MAF: variants seen among roughly 807,000 people sequenced by gnomAD.
MAF encodes transcription factor Maf.
A neutral mutation model predicts 22.0 loss-of-function variants in MAF; 10 were observed. That is an observed-to-expected ratio of 0.45 (90% confidence interval 0.28 to 0.77). The LOEUF (loss-of-function observed/expected upper bound fraction) is 0.77. Ranked by LOEUF, MAF falls within the 30% of genes least tolerant of loss-of-function variation. MAF has a pLI of 0.12. For missense variants in MAF, 544 were observed against 548.4 expected, an observed-to-expected ratio of 0.99 and a Z score of 0.08; for synonymous variants, 337 against 255.8, an observed-to-expected ratio of 1.32 and a Z score of -3.03.
Position 79,594,261 on chromosome 16 carries a change from G to C in MAF, c.*199C>G. 1.2e-5 allele frequency: 7 copies of C among 581,852 alleles called. No homozygotes were observed. Among genetic ancestry groups the C allele is most frequent in the Non-Finnish European group, 2.1e-5 (7 of 328,270 alleles). 36.0% of individuals were successfully genotyped at this position (581,852 alleles called of 1,614,324 possible). A position where few individuals can be genotyped will look rare whatever the true frequency, so the allele number is the denominator to read the frequency against. On this transcript the variant is annotated 3_prime_UTR_variant, in exon 2 of 2. Transcript: ENST00000326043. The stretch of plus-strand genomic sequence containing the variant: ...ACACACCATAAATCGAAAAGCAGGA[G>C]TGCGCTTTCCTACCGGTCTCTATGA...
At chr16:79,310,071 A>C in the MAF span, among the ~76,000 whole-genome samples, 1 of 152,230 alleles carries the variant, frequency 6.6e-6, no homozygotes, top group African/African-American at 2.4e-5. Flanking sequence ...ATGAACTCCC[A>C]GCACTGAGAA....
the MAF span, among the ~76,000 whole-genome samples, chr16:79,232,510 C>T: frequency 1.3e-5 from 2 of 152,106 alleles, no homozygotes; most frequent in East Asian, 3.9e-4. Context: ...AATATCCCAG[C>T]CTAGATCATG....
chr16:79,351,222 T>A, the MAF span, among the ~76,000 whole-genome samples: 6 of 152,234 alleles, frequency 3.9e-5, no homozygotes, highest in African/African-American at 7.2e-5. Flanking sequence ...ACTGCAAAGC[T>A]AAACAGTGGG....
the MAF span, among the ~76,000 whole-genome samples, chr16:79,409,656 T>C: frequency 2.0e-5 from 3 of 152,156 alleles, no homozygotes; most frequent in African/African-American, 7.2e-5. Flanking sequence ...GCTCCTGGCA[T>C]GGTATAAACA....
the MAF span, among the ~76,000 whole-genome samples, chr16:79,302,921 T>C: frequency 6.6e-5 from 10 of 152,222 alleles, no homozygotes; most frequent in African/African-American, 2.4e-4. Context: ...AGTGGTACCA[T>C]TCGGCACTGT....
At chr16:79,302,065 C>T in the MAF span, among the ~76,000 whole-genome samples, 1 of 152,192 alleles carries the variant, frequency 6.6e-6, no homozygotes, top group Non-Finnish European at 1.5e-5. Context: ...GAGGGCCTGA[C>T]TCTCACCTGC....
the MAF span, among the ~76,000 whole-genome samples, chr16:79,503,195 T>C: frequency 6.6e-6 from 1 of 152,306 alleles, no homozygotes; most frequent in Admixed American, 6.5e-5. Context: ...AAGTTTGTCC[T>C]TTGTTTCTCT....
chr16:79,513,529 G>A, the MAF span, among the ~76,000 whole-genome samples: 1 of 152,194 alleles, frequency 6.6e-6, no homozygotes, highest in African/African-American at 2.4e-5. Context: ...AAATACATGG[G>A]AGGGAATCTA....
the MAF span, among the ~76,000 whole-genome samples, chr16:79,254,369 G>A: frequency 3.9e-5 from 6 of 151,950 alleles, no homozygotes; most frequent in Admixed American, 2.6e-4. Context: ...ATCTCTCTAT[G>A]ACTTCATATT....
the MAF span, among the ~76,000 whole-genome samples, chr16:79,554,813 T>A: frequency 6.6e-6 from 1 of 152,194 alleles, no homozygotes; most frequent in East Asian, 1.9e-4. Flanking sequence ...CAGTTTCTCA[T>A]GGCCTCTCTG....
chr16:79,302,033 G>A, the MAF span, among the ~76,000 whole-genome samples: 1 of 152,214 alleles, frequency 6.6e-6, no homozygotes, highest in Admixed American at 6.5e-5. Context: ...CATGACCTAG[G>A]TCATCCAGAT....
chr16:79,544,664 C>G, the MAF span, among the ~76,000 whole-genome samples: 1 of 150,932 alleles, frequency 6.6e-6, no homozygotes, highest in Admixed American at 6.6e-5. Context: ...GTCCCAGCTA[C>G]TCGGGAGGCT....
the MAF span, among the ~76,000 whole-genome samples, chr16:79,458,470 G>A: frequency 6.6e-6 from 1 of 152,060 alleles, no homozygotes; most frequent in African/African-American, 2.4e-5. Context: ...TAACAGCATA[G>A]GAAAATATTT....
chr16:79,449,461 A>T, the MAF span, among the ~76,000 whole-genome samples: 1 of 152,170 alleles, frequency 6.6e-6, no homozygotes, highest in Admixed American at 6.5e-5. Flanking sequence ...TGTGCTTGTT[A>T]TTTAGTTTTC....
chr16:79,492,866 T>C, the MAF span, among the ~76,000 whole-genome samples: 1 of 152,208 alleles, frequency 6.6e-6, no homozygotes, highest in Non-Finnish European at 1.5e-5. Context: ...GAGATCATAC[T>C]AGGAGGTTAG....
the MAF span, among the ~76,000 whole-genome samples, chr16:79,444,643 T>C: frequency 1.3e-5 from 2 of 152,222 alleles, no homozygotes; most frequent in Admixed American, 6.5e-5. Flanking sequence ...GCATGTTTAG[T>C]GCACCACGAG....
the MAF span, among the ~76,000 whole-genome samples, chr16:79,454,902 G>A: frequency 1.3e-5 from 2 of 152,000 alleles, no homozygotes; most frequent in African/African-American, 4.8e-5. Flanking sequence ...TTCGAGACCA[G>A]CCTGACCAAC....
At chr16:79,515,490 C>T in the MAF span, among the ~76,000 whole-genome samples, 1 of 152,194 alleles carries the variant, frequency 6.6e-6, no homozygotes, top group Admixed American at 6.5e-5. Context: ...GATGATTTTG[C>T]CCAACTGTAG....
chr16:79,464,033 A>G, the MAF span, among the ~76,000 whole-genome samples: 2 of 152,078 alleles, frequency 1.3e-5, no homozygotes, highest in African/African-American at 2.4e-5. Flanking sequence ...GAGAAGGAAA[A>G]GGAAGGGATC....
Sources: allele counts gnomAD v4.1 joint callset (sites outside exome capture counted in the v4.1 genomes callset), GRCh38; gene constraint gnomAD v4.1.1; transcripts MANE v1.5; gene names NCBI Gene and HGNC (gene_info 2026-07-23, HGNC 2026-07-21).